SSUH2: variants seen among roughly 807,000 people sequenced by gnomAD.
The protein encoded by SSUH2 is protein SSUH2 homolog.
In SSUH2, 47 loss-of-function variants were observed where a neutral mutation model predicts 55.3. The observed-to-expected ratio is 0.85, with a 90% CI of 0.67 to 1.08. The LOEUF is 1.08. Among genes scored for constraint, SSUH2 ranks in the 50% least tolerant of loss-of-function variants. SSUH2 has a pLI of 0.00. For synonymous variants in SSUH2, 212 were observed against 191.5 expected, an observed-to-expected ratio of 1.11 and a Z score of -0.89; for missense variants, 535 against 490.7, an observed-to-expected ratio of 1.09 and a Z score of -0.85.
intron 7 of SSUH2, chr3:8,658,863 A>G (rs1321198389): frequency 1.7e-5 from 1 of 60,572 alleles, no homozygotes; most frequent in African/African-American, 4.7e-5. Flanking sequence ...ACAAAACAAA[A>G]CAAAACATAA....
upstream of SSUH2, among the ~76,000 whole-genome samples, chr3:8,645,585 G>A (rs1701575991): frequency 6.6e-6 from 1 of 152,084 alleles, no homozygotes; most frequent in African/African-American, 2.4e-5. Flanking sequence ...CTGCATCCTT[G>A]GCAATCACTC....
At chr3:8,634,343 C>A in intron 3 of SSUH2, 1 of 1,268,832 alleles carries the variant, frequency 7.9e-7, no homozygotes. Context: ...CCTCTTTCTG[C>A]ATGCCTCCCC....
Position 8,633,683 on chromosome 3 carries a change from G to A in SSUH2, c.322C>T (p.Arg108Trp), listed in dbSNP as rs776971510. 49 of 1,527,976 alleles carry A rather than the reference G, an allele frequency of 3.2e-5. No homozygotes were observed. Among genetic ancestry groups the A allele is most frequent in the Admixed American group, 6.3e-5 (3 of 47,742 alleles). 94.7% of individuals were successfully genotyped at this position (1,527,976 alleles called of 1,614,324 possible). A position where few individuals can be genotyped will look rare whatever the true frequency, so the allele number is the denominator to read the frequency against. The change falls in exon 4 of 12, where the codon CGG (arginine) becomes TGG (tryptophan). Residue 108 changes from arginine to tryptophan, a missense_variant. Coordinates refer to ENST00000544814, the MANE Select transcript of SSUH2 (RefSeq NM_001256748.3). ...AGDLVIQELK[R>W]QTLCRYRLET... ...CCTCTCACCCTGCAGAGGGTCTGCCGCTTCAGCTCCTGGATGACGAGGTCT... is the reference window on the plus strand; with the variant it reads ...CCTCTCACCCTGCAGAGGGTCTGCCACTTCAGCTCCTGGATGACGAGGTCT...
chr3:8,631,915 G>A (rs192721441), intron 5 of SSUH2, 134 bp downstream of exon 5: 2 of 664,196 alleles, frequency 3.0e-6, no homozygotes, highest in Admixed American at 5.0e-5. Context: ...CATTTTGCAG[G>A]GGGTAAGGAA....
chr3:8,639,612 G>C (rs1007448963), intron 1 of SSUH2, among the ~76,000 whole-genome samples: 1 of 152,170 alleles, frequency 6.6e-6, no homozygotes, highest in East Asian at 1.9e-4. Context: ...GTATAGAAAG[G>C]AATTTTCCTT....
intron 3 of SSUH2, among the ~76,000 whole-genome samples, chr3:8,676,750 C>G (rs1166886195): frequency 6.7e-6 from 1 of 148,304 alleles, no homozygotes; most frequent in Non-Finnish European, 1.5e-5. Flanking sequence ...ATTCTCTCCC[C>G]CTCTTCCCAC....
At chr3:8,634,493 T>C in intron 3 of SSUH2, 12 of 1,289,838 alleles carry the variant, frequency 9.3e-6, no homozygotes, top group Non-Finnish European at 1.2e-5. Context: ...CTGAGAGCCA[T>C]TAATCCACAA....
intron 11 of SSUH2, 35 bp downstream of exon 11, chr3:8,623,514 C>G: frequency 8.0e-7 from 1 of 1,247,016 alleles, no homozygotes; most frequent in Non-Finnish European, 1.1e-6. Flanking sequence ...CAGGAAGAGA[C>G]GTCAGAGCCA....
intron 5 of SSUH2, among the ~76,000 whole-genome samples, chr3:8,666,468 T>C (rs1228768437): frequency 2.0e-5 from 3 of 152,136 alleles, no homozygotes. Context: ...AGGAGAAACC[T>C]GTAAGGTGTG....
At chr3:8,662,750 C>G (rs1703620194) in intron 6 of SSUH2, among the ~76,000 whole-genome samples, 1 of 152,198 alleles carries the variant, frequency 6.6e-6, no homozygotes, top group African/African-American at 2.4e-5. Flanking sequence ...AACAGGGCCA[C>G]TTAGGCAGAT....
intron 6 of SSUH2, chr3:8,659,733 A>G: frequency 2.2e-6 from 1 of 455,694 alleles, no homozygotes; most frequent in Non-Finnish European, 4.4e-6. Flanking sequence ...ATCCATCCAT[A>G]TATGTATTCA....
At chr3:8,679,093 C>G (rs1324655014) in intron 2 of SSUH2, among the ~76,000 whole-genome samples, 3 of 105,636 alleles carry the variant, frequency 2.8e-5, no homozygotes, top group African/African-American at 9.6e-5. Flanking sequence ...AGAGCAAGCA[C>G]CTCTTTCCCC....
intron 1 of SSUH2, among the ~76,000 whole-genome samples, chr3:8,637,123 T>C (rs975877680): frequency 1.3e-5 from 2 of 152,100 alleles, no homozygotes; most frequent in African/African-American, 4.8e-5. Flanking sequence ...TATGACACAC[T>C]CTCGTGACGC....
chr3:8,626,653 C>G lies in SSUH2; in HGVS notation c.675-332G>C, dbSNP rs1022988814. Among the ~76,000 whole-genome samples the G allele has an allele frequency of 1.3e-4, 19 of 151,772 alleles. 1 individual carries two copies. Among genetic ancestry groups the G allele is most frequent in the African/African-American group, 3.4e-4 (14 of 41,292 alleles). ...CTGATACAAAGATGGGCACATGACC[C>G]AGGCGAGTGCAATGAGATCTGTCCC... On this transcript the variant is annotated intron_variant, in intron 8 of 11. Coordinates refer to ENST00000544814, the MANE Select transcript of SSUH2 (RefSeq NM_001256748.3).
At chr3:8,645,228 T>C (rs898421676), upstream of SSUH2, among the ~76,000 whole-genome samples, 5 of 152,148 alleles carry the variant, frequency 3.3e-5, no homozygotes, top group African/African-American at 1.2e-4. Context: ...GGATATTATA[T>C]ACAGATACTC....
intron 3 of SSUH2, chr3:8,634,638 G>A (rs759993191): frequency 4.1e-5 from 51 of 1,250,112 alleles, no homozygotes; most frequent in Non-Finnish European, 5.0e-5. Flanking sequence ...GAGGAAGCAG[G>A]GTTCTTCCTA....
In SSUH2 at chr3:8,619,736, G is replaced by C. The variant is rs1170041479; in HGVS notation, c.*132C>G. ...GTTGGAGCTTGATAGATGATAAGCT[G>C]GTTTTTCTGGAAGGACATGCCAGGG... On this transcript the variant is annotated 3_prime_UTR_variant, in exon 12 of 12. Transcript: ENST00000544814. 1 of 1,067,136 alleles carries C rather than the reference G, an allele frequency of 9.4e-7. No homozygotes were observed. The highest frequency in any genetic ancestry group is 1.3e-6 in the Non-Finnish European group (1 of 746,076). The allele number at this position is 1,067,136 out of a possible 1,614,324, so 66.1% of individuals were successfully genotyped here. A position where few individuals can be genotyped will look rare whatever the true frequency, so the allele number is the denominator to read the frequency against.
At chr3:8,646,637 C>T (rs1481599092), upstream of SSUH2, among the ~76,000 whole-genome samples, 3 of 152,220 alleles carry the variant, frequency 2.0e-5, no homozygotes, top group East Asian at 1.9e-4. Context: ...GATCTTGCTT[C>T]GGCATCCGTA....
intron 1 of SSUH2, chr3:8,681,763 CTCTGGCTCTT>C (rs1705969720): frequency 6.6e-6 from 1 of 152,358 alleles, no homozygotes; most frequent in Admixed American, 6.6e-5. Flanking sequence ...CCTCTTCCCC[CTCTGGCTCTT>C]AGGACGCCCA....
Sources: gnomAD v4.1 joint callset for allele counts (sites outside exome capture counted in the v4.1 genomes callset) on GRCh38, gnomAD v4.1.1 for gene constraint, MANE v1.5 for transcripts, NCBI Gene and HGNC (gene_info 2026-07-23, HGNC 2026-07-21) for gene names.